LNX1: variants seen among roughly 807,000 people sequenced by gnomAD.
LNX1 encodes ligand of numb-protein X 1.
Under a neutral mutation model 68.4 loss-of-function variants are expected in LNX1, and 54 were observed. The observed-to-expected ratio is 0.79, with a 90% confidence interval of 0.63 to 0.99. The LOEUF is 0.99. Among genes scored for constraint, LNX1 ranks in the 50% least tolerant of loss-of-function variants. The probability of loss-of-function intolerance (pLI) is 0.00; values close to 1 mark genes in which losing one functional copy is unlikely to be tolerated. For synonymous variants in LNX1, 336 were observed against 350.0 expected (o/e 0.96, Z 0.45); for missense variants, 906 against 926.4 (o/e 0.98, Z 0.29).
chr4:53,640,010 C>A (rs542376747), intron 1 of LNX1, among the ~76,000 whole-genome samples: 1 of 152,014 alleles, frequency 6.6e-6, no homozygotes, highest in East Asian at 1.9e-4. Flanking sequence ...GCACTCCAGC[C>A]TGGGCAACAG....
chr4:53,554,336 T>C (rs1330700174), intron 2 of LNX1, among the ~76,000 whole-genome samples: 1 of 152,222 alleles, frequency 6.6e-6, no homozygotes, highest in Non-Finnish European at 1.5e-5. Flanking sequence ...CTGGAGTCAA[T>C]AGGTGTTTGG....
intron 6 of LNX1, among the ~76,000 whole-genome samples, chr4:53,491,239 T>C (rs527236683): frequency 2.1e-4 from 32 of 151,296 alleles, no homozygotes; most frequent in African/African-American, 7.8e-4. Flanking sequence ...GAAAAAGTAC[T>C]GGTGGTCACC....
intron 8 of LNX1, 82 bp from the exon 9 acceptor site, chr4:53,477,063 G>T: frequency 8.4e-7 from 1 of 1,188,696 alleles, no homozygotes; most frequent in South Asian, 1.2e-5. Flanking sequence ...GATAGGGGCT[G>T]ACTGGGATTG....
At chr4:53,474,910 G>T (rs1462830109) in intron 9 of LNX1, among the ~76,000 whole-genome samples, 1 of 152,216 alleles carries the variant, frequency 6.6e-6, no homozygotes, top group Admixed American at 6.5e-5. Flanking sequence ...GGGACTACAG[G>T]CGTGTGCCAC....
intron 2 of LNX1, among the ~76,000 whole-genome samples, chr4:53,539,759 C>T (rs1270732847): frequency 6.6e-6 from 1 of 152,154 alleles, no homozygotes. Context: ...CTGCTGTTAC[C>T]CAAAACCCAC....
At chr4:53,615,914 T>A in intron 2 of LNX1, among the ~76,000 whole-genome samples, 1 of 152,336 alleles carries the variant, frequency 6.6e-6, no homozygotes, top group Non-Finnish European at 1.5e-5. Flanking sequence ...AACAATCCAA[T>A]CATACTATTC....
chr4:53,584,539 G>A (rs903011643), intron 1 of LNX1, among the ~76,000 whole-genome samples: 1 of 152,208 alleles, frequency 6.6e-6, no homozygotes, highest in African/African-American at 2.4e-5. Flanking sequence ...GGGATAGACG[G>A]TCCTTGGGAA....
rs551184157 is a variant in LNX1, at chr4:53,460,228, C to CAGTT, written c.*675_*678dup. 83 of 193,986 alleles carry CAGTT rather than the reference C, an allele frequency of 4.3e-4. 1 individual carries two copies. The South Asian group carries it at 4.8e-3, about 11-fold the overall frequency. The allele number at this position is 193,986 out of a possible 1,614,324, so 12.0% of individuals were successfully genotyped here. ...TGGTGGAGCAGCATGAGTTTTTATA[C>CAGTT]AGTTACTAACGATTGTGGAAAAAAA... On this transcript the variant is annotated 3_prime_UTR_variant, in exon 11 of 11. Coordinates refer to ENST00000263925, the MANE Select transcript of LNX1 (RefSeq NM_001126328.3).
chr4:53,591,658 T>G, upstream of LNX1: 1 of 826,326 alleles, frequency 1.2e-6, no homozygotes, highest in Non-Finnish European at 1.5e-6. Flanking sequence ...CCTGAATACC[T>G]GCAAGCAGGT....
chr4:53,512,042 T>A (rs555908053), intron 2 of LNX1, among the ~76,000 whole-genome samples: 147 of 152,316 alleles, frequency 9.7e-4, no homozygotes, highest in East Asian at 1.9e-4. Context: ...CACTTTGGGT[T>A]CATTAATTGT....
intron 5 of LNX1, among the ~76,000 whole-genome samples, chr4:53,497,486 C>T (rs1725148707): frequency 6.6e-6 from 1 of 152,228 alleles, no homozygotes; most frequent in Non-Finnish European, 1.5e-5. Context: ...GCAAAGCTCA[C>T]CACCTTTGTC....
chr4:53,598,922 A>G (rs1394916438), intron 2 of LNX1, among the ~76,000 whole-genome samples: 1 of 152,232 alleles, frequency 6.6e-6, no homozygotes, highest in African/African-American at 2.4e-5. Context: ...GCATTTGAGG[A>G]ACTTAGAGTC....
At chr4:53,573,310 G>T (rs543468779) in intron 2 of LNX1, among the ~76,000 whole-genome samples, 2 of 152,088 alleles carry the variant, frequency 1.3e-5, no homozygotes, top group Non-Finnish European at 2.9e-5. Flanking sequence ...TTCTAGAGAT[G>T]GATGGTGGTG....
chr4:53,579,426 TA>T (rs921553354), intron 1 of LNX1, among the ~76,000 whole-genome samples: 3 of 151,822 alleles, frequency 2.0e-5, no homozygotes, highest in Non-Finnish European at 4.4e-5. Flanking sequence ...CCCAGAAAAA[TA>T]AAAACCCCCA....
chr4:53,471,714 C>T (rs1027973741), intron 9 of LNX1, among the ~76,000 whole-genome samples: 1 of 152,268 alleles, frequency 6.6e-6, no homozygotes, highest in African/African-American at 2.4e-5. Context: ...GACATTTATG[C>T]AGCCAACAGA....
At chr4:53,461,712 T>A in intron 9 of LNX1, 119 bp from the exon 10 acceptor site, 1 of 667,740 alleles carries the variant, frequency 1.5e-6, no homozygotes, top group South Asian at 2.7e-5. Flanking sequence ...TACCACTGCA[T>A]AGGTCCCACT....
chr4:53,519,106 C>T (rs1339450142), intron 2 of LNX1, among the ~76,000 whole-genome samples: 2 of 152,168 alleles, frequency 1.3e-5, no homozygotes, highest in East Asian at 3.9e-4. Context: ...CCCACATGCC[C>T]AGGCTGGCTG....
At chr4:53,637,372 T>G (rs573758983) in intron 1 of LNX1, among the ~76,000 whole-genome samples, 3 of 152,214 alleles carry the variant, frequency 2.0e-5, no homozygotes, top group South Asian at 2.1e-4. Context: ...CTAATTAGAA[T>G]CATAGGGGTC....
At chr4:53,624,665 G>C (rs1300970470) in intron 1 of LNX1, among the ~76,000 whole-genome samples, 1 of 152,070 alleles carries the variant, frequency 6.6e-6, no homozygotes, top group Non-Finnish European at 1.5e-5. Context: ...TGCTCTCCTA[G>C]GGTTCTCAGA....
Sources: allele counts gnomAD v4.1 joint callset (sites outside exome capture counted in the v4.1 genomes callset), GRCh38; gene constraint gnomAD v4.1.1; transcripts MANE v1.5; gene names NCBI Gene and HGNC (gene_info 2026-07-23, HGNC 2026-07-21).